Variants in PTPRT observed in about 807,000 individuals in gnomAD.
PTPRT encodes the protein protein tyrosine phosphatase receptor type T.
In PTPRT, 56 loss-of-function variants were observed where a neutral mutation model predicts 176.8. That is an observed-to-expected ratio of 0.32 (90% CI 0.26 to 0.40). PTPRT has a LOEUF of 0.40. Among genes scored for constraint, PTPRT ranks in the 10% least tolerant of loss-of-function variants. PTPRT has a pLI of 1.00. For synonymous variants in PTPRT, 783 were observed against 739.0 expected, an observed-to-expected ratio of 1.06 and a Z score of -0.96; for missense variants, 1,540 against 1,908.2, an observed-to-expected ratio of 0.81 and a Z score of 3.60.
chr20:42,549,664 G>A (rs1489831090), intron 7 of PTPRT, among the ~76,000 whole-genome samples: 2 of 152,160 alleles, frequency 1.3e-5, no homozygotes, highest in East Asian at 1.9e-4. Context: ...TTATTCATCT[G>A]CTTAGAGCCA....
intron 11 of PTPRT, among the ~76,000 whole-genome samples, chr20:42,324,094 G>T (rs949815184): frequency 6.6e-6 from 1 of 152,006 alleles, no homozygotes; most frequent in Non-Finnish European, 1.5e-5. Context: ...ATTTATAATC[G>T]CCAAAACATA....
chr20:42,982,370 T>A (rs923334704), intron 1 of PTPRT, among the ~76,000 whole-genome samples: 2 of 152,134 alleles, frequency 1.3e-5, no homozygotes, highest in South Asian at 2.1e-4. Context: ...GTAACATAAT[T>A]ATATCATGTG....
At chr20:42,763,969 T>C (rs2145433293) in intron 5 of PTPRT, among the ~76,000 whole-genome samples, 1 of 152,312 alleles carries the variant, frequency 6.6e-6, no homozygotes, top group South Asian at 2.1e-4. Context: ...TGCTGCTTGC[T>C]GTGTGGTGAA....
At chr20:42,390,927 T>C (rs972581068) in intron 9 of PTPRT, among the ~76,000 whole-genome samples, 2 of 152,312 alleles carry the variant, frequency 1.3e-5, no homozygotes, top group African/African-American at 4.8e-5. Context: ...GGAGTCAGAA[T>C]TGAGTTTGCA....
chr20:43,092,979 A>T (rs938961624), intron 1 of PTPRT, among the ~76,000 whole-genome samples: 3 of 152,250 alleles, frequency 2.0e-5, no homozygotes, highest in African/African-American at 7.2e-5. Flanking sequence ...ACACATATAC[A>T]ATGATTACAC....
chr20:42,956,769 A>G (rs556993347), intron 1 of PTPRT, among the ~76,000 whole-genome samples: 5 of 152,180 alleles, frequency 3.3e-5, no homozygotes, highest in Admixed American at 6.5e-5. Context: ...TTAAGAGTAC[A>G]GGTGACAGCA....
intron 7 of PTPRT, among the ~76,000 whole-genome samples, chr20:42,651,921 G>C (rs778954209): frequency 6.6e-6 from 1 of 152,034 alleles, no homozygotes; most frequent in Non-Finnish European, 1.5e-5. Context: ...GGTGGTGTGT[G>C]CCTGCAATCC....
chr20:42,534,975 C>G (rs1461208034), intron 7 of PTPRT, among the ~76,000 whole-genome samples: 1 of 152,174 alleles, frequency 6.6e-6, no homozygotes, highest in African/African-American at 2.4e-5. Context: ...ACTGACTCTT[C>G]CCACTCGCCA....
At chr20:42,203,722 T>C (rs2055381271) in intron 15 of PTPRT, among the ~76,000 whole-genome samples, 1 of 152,226 alleles carries the variant, frequency 6.6e-6, no homozygotes, top group Admixed American at 6.5e-5. Flanking sequence ...TGAAGACTAA[T>C]GGCAAAGACG....
intron 1 of PTPRT, among the ~76,000 whole-genome samples, chr20:42,963,584 A>C (rs1982126572): frequency 6.6e-6 from 1 of 150,384 alleles, no homozygotes; most frequent in African/African-American, 2.5e-5. Context: ...TATAAATGCT[A>C]TAAATAGTTC....
chr20:43,033,919 C>A (rs975766276), intron 1 of PTPRT, among the ~76,000 whole-genome samples: 1 of 152,212 alleles, frequency 6.6e-6, no homozygotes, highest in Non-Finnish European at 1.5e-5. Context: ...CCTGACCACC[C>A]TGCTGCCTCT....
intron 9 of PTPRT, among the ~76,000 whole-genome samples, chr20:42,421,583 T>C (rs1363582661): frequency 1.3e-5 from 2 of 152,064 alleles, no homozygotes; most frequent in Admixed American, 1.3e-4. Context: ...GAGCAGACAG[T>C]GCTCATGGAT....
rs373589000 is a variant in PTPRT at position 42,763,948 on chromosome 20, A to G, written c.685-7312T>C. On this transcript the variant is annotated intron_variant, in intron 5 of 30. Coordinates refer to ENST00000373187, the MANE Select transcript of PTPRT (RefSeq NM_007050.6). ...GGGGACAAAGGAAACTAATGAGAAC[A>G]TGAAACTTAATGCTGCTTGCTGTGT... Among the ~76,000 whole-genome samples, 19 of 152,284 alleles carry G rather than the reference A, an allele frequency of 1.2e-4. 1 individual carries two copies. The East Asian group carries it at 1.7e-3, about 14-fold the overall frequency.
chr20:42,077,802 C>T lies in PTPRT; in HGVS notation c.*3077G>A, dbSNP rs1157213040. 1.1e-5 allele frequency: 2 copies of T among 185,526 alleles called. No homozygotes were observed. Among genetic ancestry groups the T allele is most frequent in the African/African-American group, 5.2e-5 (2 of 38,744 alleles). 11.5% of individuals were successfully genotyped at this position (185,526 alleles called of 1,614,324 possible). On this transcript the variant is annotated 3_prime_UTR_variant, in exon 31 of 31. Coordinates refer to ENST00000373187, the MANE Select transcript of PTPRT (RefSeq NM_007050.6). ...ACTGGCCCTTGCTGGGTTACCCCAA[C>T]ATGGCCTGAGATTTTTTTTTTTTGC... is the stretch of plus-strand genomic sequence containing the variant.
chr20:42,573,547 T>C (rs930740424), intron 7 of PTPRT, among the ~76,000 whole-genome samples: 3 of 152,112 alleles, frequency 2.0e-5, no homozygotes, highest in Non-Finnish European at 2.9e-5. Flanking sequence ...CAAGTTTGAA[T>C]TGAAGGACAC....
chr20:42,109,383 A>G (rs1986815368), intron 23 of PTPRT, among the ~76,000 whole-genome samples: 1 of 152,212 alleles, frequency 6.6e-6, no homozygotes, highest in African/African-American at 2.4e-5. Context: ...ATCCTCCTCC[A>G]ATTCTGGACA....
chr20:42,977,568 T>C (rs1050641030), intron 1 of PTPRT, among the ~76,000 whole-genome samples: 2 of 152,232 alleles, frequency 1.3e-5, no homozygotes, highest in African/African-American at 2.4e-5. Flanking sequence ...GAACTGTTAA[T>C]ACTTTGTTTC....
chr20:42,948,570 G>T (rs576260945), intron 1 of PTPRT, among the ~76,000 whole-genome samples: 4 of 152,138 alleles, frequency 2.6e-5, no homozygotes, highest in Non-Finnish European at 4.4e-5. Context: ...TGGCCATCTT[G>T]CTTCCCTAAG....
chr20:43,181,149 G>A (rs1055690302), intron 1 of PTPRT, among the ~76,000 whole-genome samples: 3 of 152,122 alleles, frequency 2.0e-5, no homozygotes, highest in Admixed American at 6.6e-5. Flanking sequence ...CCAAGAGCCC[G>A]TGAGTAAGTG....
Sources: gnomAD v4.1 joint callset for allele counts (sites outside exome capture counted in the v4.1 genomes callset) on GRCh38, gnomAD v4.1.1 for gene constraint, MANE v1.5 for transcripts, NCBI Gene and HGNC (gene_info 2026-07-23, HGNC 2026-07-21) for gene names.